NCAM2: variants seen among roughly 807,000 people sequenced by gnomAD.
NCAM2 encodes the protein neural cell adhesion molecule 2.
NCAM2 carries 30 observed loss-of-function variants against 98.1 expected under a neutral mutation model. That is an observed-to-expected ratio of 0.31 (90% confidence interval 0.23 to 0.41). The LOEUF is 0.41. NCAM2 is among the 10% of genes least tolerant of loss of function. NCAM2 has a pLI of 1.00. For synonymous variants in NCAM2, 368 were observed against 342.4 expected, an observed-to-expected ratio of 1.07 and a Z score of -0.83; for missense variants, 867 against 1,005.8, an observed-to-expected ratio of 0.86 and a Z score of 1.87.
chr21:21,338,758 C>T (rs553184796), intron 8 of NCAM2, among the ~76,000 whole-genome samples: 11 of 152,106 alleles, frequency 7.2e-5, no homozygotes, highest in African/African-American at 2.2e-4. Context: ...AAGTCACAAA[C>T]GTTTAGGCTA....
At chr21:21,471,692 A>G (rs1454084312) in intron 14 of NCAM2, among the ~76,000 whole-genome samples, 2 of 152,028 alleles carry the variant, frequency 1.3e-5, no homozygotes, top group African/African-American at 4.8e-5. Flanking sequence ...TTTCTAGCAG[A>G]CACTGAATCT....
chr21:21,329,401 A>G (rs73322735), intron 6 of NCAM2, among the ~76,000 whole-genome samples: 3,914 of 152,240 alleles, frequency 0.026, 156 homozygotes, highest in African/African-American at 0.09. Flanking sequence ...AGGCCATACC[A>G]TATAGTTTAG....
intron 1 of NCAM2, among the ~76,000 whole-genome samples, chr21:21,186,897 A>C (rs2068658007): frequency 6.6e-6 from 1 of 152,158 alleles, no homozygotes; most frequent in South Asian, 2.1e-4. Context: ...AGATAATAAA[A>C]TTTGGAAAGG....
rs765471650 is a variant in NCAM2, at chr21:21,542,043, G to T, written c.*4086G>T. 1.3e-5 allele frequency: 2 copies of T among 151,754 alleles called. No individual in the cohort carries two copies. Among genetic ancestry groups the T allele is most frequent in the African/African-American group, 4.8e-5 (2 of 41,380 alleles). The allele number at this position is 151,754 out of a possible 1,614,324, so 9.4% of individuals were successfully genotyped here. On this transcript the variant is annotated 3_prime_UTR_variant, in exon 18 of 18. Transcript: ENST00000400546. Reference sequence around the variant, plus strand: ...CAACATAGGCTAAAATTAAATTATGGATGTCGCAGAAATGAAATACTTCAT... The same window carrying T: ...CAACATAGGCTAAAATTAAATTATGTATGTCGCAGAAATGAAATACTTCAT...
intron 1 of NCAM2, among the ~76,000 whole-genome samples, chr21:21,057,139 G>T (rs2065228417): frequency 6.6e-6 from 1 of 152,002 alleles, no homozygotes; most frequent in South Asian, 2.1e-4. Flanking sequence ...AAATTTAAAG[G>T]CTCAGTTCTA....
intron 1 of NCAM2, among the ~76,000 whole-genome samples, chr21:21,275,023 C>A (rs1450996478): frequency 6.6e-6 from 1 of 151,964 alleles, no homozygotes; most frequent in Non-Finnish European, 1.5e-5. Context: ...TTAAAAATAT[C>A]TTTTGAATAT....
At chr21:21,194,975 A>G (rs1290051951) in intron 1 of NCAM2, among the ~76,000 whole-genome samples, 4 of 152,164 alleles carry the variant, frequency 2.6e-5, no homozygotes, top group Non-Finnish European at 5.9e-5. Flanking sequence ...CAAATTTTTT[A>G]TGATCTGTAT....
Position 21,432,279 on chromosome 21 carries a change from A to C in NCAM2, c.1652A>C (p.Gln551Pro), listed in dbSNP as rs1569057493. 8.7e-6 allele frequency: 14 copies of C among 1,612,348 alleles called. No individual in the cohort carries two copies. Among genetic ancestry groups the C allele is most frequent in the Non-Finnish European group, 1.1e-5 (13 of 1,178,792 alleles). Reference sequence around the variant, plus strand: ...AAAATTGTACGCTCCCATGGAGTTCAAAGTGAGTCAACAATTTCAAAATGT... The same window carrying C: ...AAAATTGTACGCTCCCATGGAGTTCCAAGTGAGTCAACAATTTCAAAATGT... ...IWKIVRSHGV[Q>P]TMVVLNNLEP... is the part of the protein sequence containing the mutation. The change falls in exon 12 of 18, where the codon CAA becomes CCA. Residue 551 changes from glutamine to proline, a missense_variant and splice_region_variant. By Grantham distance (76) the Gln-to-Pro change is moderately conservative. Transcript: ENST00000400546.
chr21:21,075,519 A>C (rs917487082), intron 1 of NCAM2, among the ~76,000 whole-genome samples: 1 of 152,094 alleles, frequency 6.6e-6, no homozygotes, highest in African/African-American at 2.4e-5. Flanking sequence ...GCGAGGACAG[A>C]TGTATTTGCC....
At chr21:21,366,055 A>C (rs2075777442) in intron 8 of NCAM2, among the ~76,000 whole-genome samples, 1 of 152,108 alleles carries the variant, frequency 6.6e-6, no homozygotes, top group South Asian at 2.1e-4. Flanking sequence ...ACAAAGGCTC[A>C]GAATGGGACT....
intron 1 of NCAM2, among the ~76,000 whole-genome samples, chr21:21,052,376 G>C (rs2065128600): frequency 6.6e-6 from 1 of 151,948 alleles, no homozygotes; most frequent in Admixed American, 6.6e-5. Flanking sequence ...TATTGAACAG[G>C]CTGGTATAGA....
intron 9 of NCAM2, among the ~76,000 whole-genome samples, chr21:21,401,173 T>C (rs976908942): frequency 6.6e-6 from 1 of 152,218 alleles, no homozygotes; most frequent in Non-Finnish European, 1.5e-5. Flanking sequence ...TCATCCACTA[T>C]TCTCTGTGTG....
intron 1 of NCAM2, among the ~76,000 whole-genome samples, chr21:21,233,446 A>G (rs2070706428): frequency 6.6e-6 from 1 of 151,772 alleles, no homozygotes; most frequent in Admixed American, 6.6e-5. Flanking sequence ...TTAACTCCTT[A>G]GAAGCAATAG....
At chr21:21,240,919 A>T (rs1568819535) in intron 1 of NCAM2, among the ~76,000 whole-genome samples, 1 of 152,182 alleles carries the variant, frequency 6.6e-6, no homozygotes, top group Admixed American at 6.5e-5. Flanking sequence ...TGGGACAAAT[A>T]AATATTTCAA....
rs145889349 is a variant in NCAM2 at position 21,106,262 on chromosome 21, T to G, written c.55+107644T>G. On this transcript the variant is annotated intron_variant, in intron 1 of 17. Transcript: ENST00000400546. ...GTTCCAGGCTGCAGCGAGCTGTGTT[T>G]GCACCTCTGCACTCCAGCCTGTGCA... is the stretch of plus-strand genomic sequence containing the variant. 3.7e-4 allele frequency among the ~76,000 whole-genome samples: 52 copies of G among 139,578 alleles called. No homozygotes were observed. In the East Asian group the frequency reaches 9.5e-3, roughly 25 times the overall value. The allele number at this position is 139,578 out of a possible 152,430, so 91.6% of individuals were successfully genotyped here.
At chr21:21,100,732 T>C (rs1250736143) in intron 1 of NCAM2, among the ~76,000 whole-genome samples, 1 of 151,986 alleles carries the variant, frequency 6.6e-6, no homozygotes, top group African/African-American at 2.4e-5. Context: ...TTAACCCCCT[T>C]TCTGTTTAGG....
chr21:21,405,936 C>T (rs573775695), intron 9 of NCAM2, among the ~76,000 whole-genome samples: 1 of 152,124 alleles, frequency 6.6e-6, no homozygotes, highest in East Asian at 1.9e-4. Flanking sequence ...TTTATTTTAA[C>T]TCTCATATTT....
intron 15 of NCAM2, among the ~76,000 whole-genome samples, chr21:21,486,378 T>C (rs1190341173): frequency 6.8e-6 from 1 of 148,080 alleles, no homozygotes; most frequent in African/African-American, 2.5e-5. Flanking sequence ...ATATCTCAAC[T>C]CACACATTAT....
chr21:21,112,018 T>C (rs1380875389), intron 1 of NCAM2, among the ~76,000 whole-genome samples: 1 of 152,224 alleles, frequency 6.6e-6, no homozygotes, highest in Non-Finnish European at 1.5e-5. Context: ...CCTGTGTTGT[T>C]AACATGTTGA....
Sources: gnomAD v4.1 joint callset for allele counts (sites outside exome capture counted in the v4.1 genomes callset) on GRCh38, gnomAD v4.1.1 for gene constraint, MANE v1.5 for transcripts, NCBI Gene and HGNC (gene_info 2026-07-23, HGNC 2026-07-21) for gene names.